PRKCH: variants seen among roughly 807,000 people sequenced by gnomAD.
The protein encoded by PRKCH is protein kinase C eta.
In PRKCH, 28 loss-of-function variants were observed where a neutral mutation model predicts 82.5. The observed-to-expected ratio is 0.34, with a 90% CI of 0.25 to 0.47. PRKCH has a LOEUF of 0.47. Ranked by LOEUF, PRKCH falls within the 20% of genes least tolerant of loss-of-function variation. PRKCH has a pLI of 1.00. For missense variants in PRKCH, 705 were observed against 881.8 expected, an observed-to-expected ratio of 0.80 and a Z score of 2.54; for synonymous variants, 322 against 327.4, an observed-to-expected ratio of 0.98 and a Z score of 0.18.
intron 1 of PRKCH, among the ~76,000 whole-genome samples, chr14:61,382,883 A>G (rs953252177): frequency 1.3e-5 from 2 of 152,224 alleles, no homozygotes; most frequent in Non-Finnish European, 2.9e-5. Context: ...GTAAATTATT[A>G]CCAGTTAATT....
chr14:61,339,352 C>T (rs2045899802), intron 1 of PRKCH, among the ~76,000 whole-genome samples: 1 of 150,012 alleles, frequency 6.7e-6, no homozygotes, highest in Admixed American at 6.6e-5. Flanking sequence ...GAGACGGAGT[C>T]TCACTCTGTC....
chr14:61,300,392 T>C (rs189902728), intron 1 of PRKCH, among the ~76,000 whole-genome samples: 3 of 152,346 alleles, frequency 2.0e-5, no homozygotes, highest in East Asian at 3.9e-4. Flanking sequence ...ACAGAATTTA[T>C]TGAGCACCTG....
chr14:61,549,303 C>A (rs1354194557), intron 13 of PRKCH, among the ~76,000 whole-genome samples: 1 of 152,210 alleles, frequency 6.6e-6, no homozygotes, highest in Admixed American at 6.5e-5. Flanking sequence ...GTGAACCTAC[C>A]CAACCTCTGT....
intron 1 of PRKCH, chr14:61,279,770 T>C (rs2140091432): frequency 3.5e-6 from 1 of 289,610 alleles, no homozygotes; most frequent in South Asian, 6.3e-5. Context: ...TCTCTTCCTC[T>C]AATAGGGGTT....
At chr14:61,401,723 CTA>C (rs1002144804) in intron 2 of PRKCH, among the ~76,000 whole-genome samples, 1 of 152,220 alleles carries the variant, frequency 6.6e-6, no homozygotes, top group Non-Finnish European at 1.5e-5. Context: ...CAATCCTTGA[CTA>C]TATACCTTTG....
intron 1 of PRKCH, among the ~76,000 whole-genome samples, chr14:61,264,033 C>G (rs2045074475): frequency 6.6e-6 from 1 of 152,044 alleles, no homozygotes. Context: ...CACCTTATAA[C>G]TGTATACCAG....
intron 1 of PRKCH, among the ~76,000 whole-genome samples, chr14:61,329,234 C>CTTTTTTTTTTTTTTTTTTTTTTTTT (rs71117812): frequency 1.6e-5 from 1 of 63,468 alleles, no homozygotes; most frequent in African/African-American, 6.8e-5. Context: ...ACTCCTGAGT[C>CTTTTTTTTTTTTTTTTTTTTTTTTT]TTTTTTTTTT....
intron 10 of PRKCH, among the ~76,000 whole-genome samples, chr14:61,524,688 C>T (rs985626744): frequency 6.6e-6 from 1 of 152,142 alleles, no homozygotes; most frequent in Admixed American, 6.5e-5. Flanking sequence ...CTGTAAATGG[C>T]TCTATAATCT....
At chr14:61,445,395 A>G (rs1468221611) in intron 3 of PRKCH, among the ~76,000 whole-genome samples, 1 of 152,238 alleles carries the variant, frequency 6.6e-6, no homozygotes, top group Non-Finnish European at 1.5e-5. Context: ...GCTTAATCAC[A>G]CGTACAGATG....
intron 10 of PRKCH, among the ~76,000 whole-genome samples, chr14:61,503,389 T>G (rs1044654284): frequency 2.0e-5 from 3 of 152,006 alleles, no homozygotes; most frequent in African/African-American, 4.8e-5. Flanking sequence ...AACTGAGGTC[T>G]GCCACATATG....
In PRKCH at chr14:61,453,267, G is replaced by T; in HGVS notation, c.874G>T (p.Ala292Ser). ...GCATATTCGATGTCAAGCGAACGTG[G>T]CCCCTAACTGTGGGGTAAATGCGGT... The part of the protein sequence containing the change: ...NVHIRCQANV[A>S]PNCGVNAVEL... Residue 292 changes from alanine (A) to serine (S), a missense_variant, in exon 7 of 14, where the codon GCC (alanine) becomes TCC (serine). Coordinates refer to ENST00000332981, the MANE Select transcript of PRKCH (RefSeq NM_006255.5). 1.2e-6 allele frequency: 2 copies of T among 1,614,168 alleles called. No individual in the cohort carries two copies. The highest frequency in any genetic ancestry group is 1.7e-6 in the Non-Finnish European group (2 of 1,180,020).
At chr14:61,430,932 T>G (rs1883358499) in intron 2 of PRKCH, among the ~76,000 whole-genome samples, 1 of 152,130 alleles carries the variant, frequency 6.6e-6, no homozygotes, top group Non-Finnish European at 1.5e-5. Flanking sequence ...TTTTTTATAT[T>G]TTTAGTAGAG....
intron 1 of PRKCH, among the ~76,000 whole-genome samples, chr14:61,188,985 G>C (rs1352444781): frequency 2.6e-5 from 4 of 151,266 alleles, no homozygotes; most frequent in African/African-American, 9.7e-5. Context: ...CTCCCAAAGT[G>C]CTGAGATTAC....
intron 9 of PRKCH, among the ~76,000 whole-genome samples, chr14:61,462,893 T>A (rs551603422): frequency 6.6e-6 from 1 of 152,226 alleles, no homozygotes; most frequent in Non-Finnish European, 1.5e-5. Context: ...TAGCCGAGGA[T>A]CCCTTAGATT....
In PRKCH at chr14:61,508,723, C is replaced by T. The variant is rs779298447; in HGVS notation, c.1434-20352C>T. On this transcript the variant is annotated intron_variant, in intron 10 of 13. Coordinates refer to ENST00000332981, the MANE Select transcript of PRKCH (RefSeq NM_006255.5). ...AGATAAGAGGAGTGGGTTTGGATGT[C>T]CCAATATCACATATGGTAAGGATGA... Among the ~76,000 whole-genome samples, 174 of 152,122 alleles carry T rather than the reference C, an allele frequency of 1.1e-3. 1 individual carries two copies. The highest frequency in any genetic ancestry group is 2.2e-3 in the Non-Finnish European group (148 of 68,002).
chr14:61,475,771 T>C (rs1478215239), intron 9 of PRKCH, among the ~76,000 whole-genome samples: 3 of 152,258 alleles, frequency 2.0e-5, no homozygotes, highest in Admixed American at 1.3e-4. Context: ...TAAAACATGC[T>C]ATAAAATGTT....
At chr14:61,430,869 C>G (rs201903409) in intron 2 of PRKCH, among the ~76,000 whole-genome samples, 1 of 152,154 alleles carries the variant, frequency 6.6e-6, no homozygotes, top group Non-Finnish European at 1.5e-5. Context: ...ATTCTCCTGC[C>G]TCAGCCTCCC....
chr14:61,243,383 C>CAAAAAAA (rs10555022), intron 1 of PRKCH, among the ~76,000 whole-genome samples: 3 of 103,400 alleles, frequency 2.9e-5, no homozygotes, highest in African/African-American at 7.0e-5. Context: ...GACTCTGTCT[C>CAAAAAAA]AAAAAAAAAA....
chr14:61,248,083 G>A (rs779150011), intron 1 of PRKCH, among the ~76,000 whole-genome samples: 9 of 152,142 alleles, frequency 5.9e-5, no homozygotes, highest in East Asian at 1.9e-4. Context: ...AGTGCTAAAC[G>A]AAATGAGTCA....
Sources: allele counts gnomAD v4.1 joint callset (sites outside exome capture counted in the v4.1 genomes callset), GRCh38; gene constraint gnomAD v4.1.1; transcripts MANE v1.5; gene names NCBI Gene and HGNC (gene_info 2026-07-23, HGNC 2026-07-21).